Variants in CPA6 observed in about 807,000 individuals in gnomAD.
The protein encoded by CPA6 is carboxypeptidase B.
Under a neutral mutation model 63.3 loss-of-function variants are expected in CPA6, and 58 were observed. The ratio of observed to expected loss-of-function variants is 0.92; its 90% CI spans 0.74 to 1.14. CPA6 has a LOEUF of 1.14. CPA6 is among the 50% of genes most tolerant of loss of function. The pLI is 0.00. For synonymous variants in CPA6, 185 were observed against 179.0 expected (o/e 1.03, Z -0.27); for missense variants, 565 against 526.6 (o/e 1.07, Z -0.71).
At chr8:67,557,673 C>T (rs532639020) in intron 2 of CPA6, among the ~76,000 whole-genome samples, 1 of 152,166 alleles carries the variant, frequency 6.6e-6, no homozygotes, top group African/African-American at 2.4e-5. Flanking sequence ...GCCAGTGCCC[C>T]CCTCAGAGGT....
rs142584467 is a variant in CPA6, at chr8:67,615,606, G to A, written c.192+8570C>T. 3.9e-3 allele frequency among the ~76,000 whole-genome samples: 589 copies of A among 152,286 alleles called. 4 individuals carry two copies. Among genetic ancestry groups the A allele is most frequent in the African/African-American group, 0.014 (567 of 41,556 alleles). ...CTGGGCTGTGTTCCTGAAGGTAGTG[G>A]CCTGTGCACATAAGCCTTTCAGTAC... On this transcript the variant is annotated intron_variant, in intron 2 of 10. Coordinates refer to ENST00000297770, the MANE Select transcript of CPA6 (RefSeq NM_020361.5).
chr8:67,425,415 C>T (rs1041198131), intron 10 of CPA6, among the ~76,000 whole-genome samples: 1 of 152,188 alleles, frequency 6.6e-6, no homozygotes, highest in Admixed American at 6.5e-5. Flanking sequence ...CCCTCTGGCA[C>T]CCAGGCTGGA....
chr8:67,733,423 T>C (rs1817753729), intron 1 of CPA6, among the ~76,000 whole-genome samples: 1 of 151,262 alleles, frequency 6.6e-6, no homozygotes, highest in Non-Finnish European at 1.5e-5. Context: ...CACCTCCTCT[T>C]TCCCACGCGT....
intron 2 of CPA6, among the ~76,000 whole-genome samples, chr8:67,555,944 T>C (rs1004022066): frequency 1.2e-4 from 19 of 152,220 alleles, no homozygotes; most frequent in African/African-American, 4.6e-4. Flanking sequence ...TGTAAGGAAC[T>C]ATGAGTCCCT....
At chr8:67,549,190 CAG>C (rs1333117802) in intron 2 of CPA6, among the ~76,000 whole-genome samples, 1 of 151,964 alleles carries the variant, frequency 6.6e-6, no homozygotes, top group Non-Finnish European at 1.5e-5. Context: ...CAGAAATAAT[CAG>C]AAATATACTG....
chr8:67,520,870 G>T (rs1264488581), intron 2 of CPA6, among the ~76,000 whole-genome samples: 1 of 152,194 alleles, frequency 6.6e-6, no homozygotes. Context: ...CCAACTTCCT[G>T]ACCTAGTATT....
chr8:67,510,979 C>G (rs961560317), intron 4 of CPA6, among the ~76,000 whole-genome samples: 1 of 152,110 alleles, frequency 6.6e-6, no homozygotes, highest in Non-Finnish European at 1.5e-5. Flanking sequence ...GGAACAGCTA[C>G]CTTTTTGCTT....
In CPA6 at chr8:67,595,363, G is replaced by A. The variant is rs536987140; in HGVS notation, c.192+28813C>T. Reference sequence around the variant, plus strand: ...ACCCACTTGAGGAGGCAGTCTGCCCGTTCTCAGATCTCCAGCTGCATGCTG... The same window carrying A: ...ACCCACTTGAGGAGGCAGTCTGCCCATTCTCAGATCTCCAGCTGCATGCTG... On this transcript the variant is annotated intron_variant, in intron 2 of 10. Coordinates refer to ENST00000297770, the MANE Select transcript of CPA6 (RefSeq NM_020361.5). Among the ~76,000 whole-genome samples, 231 of 152,314 alleles carry A rather than the reference G, an allele frequency of 1.5e-3. 1 individual carries two copies. The highest frequency in any genetic ancestry group is 4.7e-3 in the African/African-American group (196 of 41,582).
At chr8:67,480,299 T>C (rs557433541) in intron 8 of CPA6, among the ~76,000 whole-genome samples, 72 of 152,198 alleles carry the variant, frequency 4.7e-4, no homozygotes, top group African/African-American at 1.7e-3. Context: ...TCTAGAATGT[T>C]TTCATCACCC....
chr8:67,494,829 C>T lies in CPA6; in HGVS notation c.637-10040G>A, dbSNP rs533717272. Among the ~76,000 whole-genome samples the T allele has an allele frequency of 3.9e-4, 59 of 152,324 alleles. 1 individual carries two copies. In the South Asian group the frequency reaches 0.011, roughly 28 times the overall value. On this transcript the variant is annotated intron_variant, in intron 6 of 10. Coordinates refer to ENST00000297770, the MANE Select transcript of CPA6 (RefSeq NM_020361.5). ...TTATGTAATACAGACAAGAAAAGTA[C>T]TTACACACAACTTTGTTACAGCAGA...
chr8:67,554,379 C>A (rs1813013766), intron 2 of CPA6, among the ~76,000 whole-genome samples: 1 of 152,104 alleles, frequency 6.6e-6, no homozygotes, highest in Non-Finnish European at 1.5e-5. Flanking sequence ...TTTTAAACAA[C>A]CAGGTTTCAT....
At chr8:67,493,353 T>C (rs1300273417) in intron 6 of CPA6, among the ~76,000 whole-genome samples, 1 of 152,174 alleles carries the variant, frequency 6.6e-6, no homozygotes, top group Non-Finnish European at 1.5e-5. Flanking sequence ...AAAAGGACTA[T>C]TCCCTGGAGA....
chr8:67,746,173 C>T lies in CPA6; in HGVS notation c.-44G>A, dbSNP rs773789263. The T allele has an allele frequency of 2.4e-5, 36 of 1,485,654 alleles. No homozygotes were observed. Among genetic ancestry groups the T allele is most frequent in the Admixed American group, 5.2e-5 (3 of 57,308 alleles). 92.0% of individuals were successfully genotyped at this position (1,485,654 alleles called of 1,614,324 possible). On this transcript the variant is annotated 5_prime_UTR_variant, in exon 1 of 11. Coordinates refer to ENST00000297770, the MANE Select transcript of CPA6 (RefSeq NM_020361.5). ...GTTGAAAGTTACTTAAGCAGCCACC[C>T]GAGGCTGGAGGTGGCTCACAGCACC...
chr8:67,517,938 G>C lies in CPA6; in HGVS notation c.302C>G (p.Ala101Gly). ...GAATGCTTACTTGTACTGGATGTTG[G>C]CTTCCTGTAAGAAGGCTAACAGGGC... ...SRALLAFLQE[A>G]NIQYKVLIED... Residue 101 changes from alanine to glycine, a missense_variant, in exon 3 of 11, where the codon GCC becomes GGC. By Grantham distance (60) the Ala-to-Gly change is moderately conservative (BLOSUM62 0). Transcript: ENST00000297770. The C allele has an allele frequency of 6.2e-7, 1 of 1,610,474 alleles. No individual in the cohort carries two copies. Among genetic ancestry groups the C allele is most frequent in the Non-Finnish European group, 8.5e-7 (1 of 1,178,866 alleles).
chr8:67,627,897 C>T (rs1039616761), intron 1 of CPA6, among the ~76,000 whole-genome samples: 5 of 152,100 alleles, frequency 3.3e-5, no homozygotes, highest in Admixed American at 6.6e-5. Context: ...AAACTATTAC[C>T]GAATGCCTTC....
intron 1 of CPA6, among the ~76,000 whole-genome samples, chr8:67,733,771 G>A (rs1285952313): frequency 2.0e-5 from 3 of 151,932 alleles, no homozygotes; most frequent in Non-Finnish European, 4.4e-5. Context: ...GGCGGTGGGG[G>A]CGGGATCAGG....
At chr8:67,694,935 A>G (rs949384811) in intron 1 of CPA6, among the ~76,000 whole-genome samples, 1 of 152,028 alleles carries the variant, frequency 6.6e-6, no homozygotes. Context: ...GCTTGGCTGG[A>G]TGGTTAGGAG....
chr8:67,653,953 C>T (rs113848139), intron 1 of CPA6, among the ~76,000 whole-genome samples: 11 of 149,808 alleles, frequency 7.3e-5, no homozygotes, highest in Admixed American at 3.3e-4. Context: ...TAGCATGAAG[C>T]GTTGTTGAAT....
At chr8:67,632,522 G>A (rs1815365673) in intron 1 of CPA6, among the ~76,000 whole-genome samples, 2 of 152,014 alleles carry the variant, frequency 1.3e-5, no homozygotes, top group African/African-American at 4.8e-5. Context: ...ATGTTGCCCA[G>A]GCTACTCTCG....
Sources: gnomAD v4.1 joint callset for allele counts (sites outside exome capture counted in the v4.1 genomes callset) on GRCh38, gnomAD v4.1.1 for gene constraint, MANE v1.5 for transcripts, NCBI Gene and HGNC (gene_info 2026-07-23, HGNC 2026-07-21) for gene names.